TRIM44: variants seen among roughly 807,000 people sequenced by gnomAD.
The protein encoded by TRIM44 is tripartite motif containing 44, also known as tripartite motif-containing protein 44.
A neutral mutation model predicts 37.4 loss-of-function variants in TRIM44; 13 were observed. That is an observed-to-expected ratio of 0.35 (90% CI 0.23 to 0.55). The LOEUF (loss-of-function observed/expected upper bound fraction) is 0.55. Among genes scored for constraint, TRIM44 ranks in the 20% least tolerant of loss-of-function variants. The pLI, the probability that TRIM44 is intolerant of heterozygous loss-of-function variation, is 0.89. For synonymous variants in TRIM44, 175 were observed against 157.2 expected (o/e 1.11, Z -0.85); for missense variants, 426 against 437.2 (o/e 0.97, Z 0.23).
At chr11:35,767,038 C>A (rs898757010) in intron 4 of TRIM44, among the ~76,000 whole-genome samples, 1 of 152,120 alleles carries the variant, frequency 6.6e-6, no homozygotes, top group Non-Finnish European at 1.5e-5. Context: ...AGGCAAGATT[C>A]GTAAACAACA....
intron 4 of TRIM44, among the ~76,000 whole-genome samples, chr11:35,800,085 G>A (rs150757340): frequency 8.7e-4 from 133 of 152,122 alleles, no homozygotes; most frequent in African/African-American, 3.0e-3. Context: ...GAATGAAGCC[G>A]CGGACCTTCG....
At chr11:35,745,437 T>G (rs1852475514) in intron 4 of TRIM44, among the ~76,000 whole-genome samples, 1 of 152,190 alleles carries the variant, frequency 6.6e-6, no homozygotes, top group Admixed American at 6.5e-5. Context: ...ATGGATAGAT[T>G]GGAAAAATTT....
At chr11:35,693,355 G>A (rs560834032) in intron 2 of TRIM44, among the ~76,000 whole-genome samples, 5 of 152,022 alleles carry the variant, frequency 3.3e-5, no homozygotes, top group Non-Finnish European at 7.4e-5. Flanking sequence ...AGTCACTGAT[G>A]TCAGTATTAC....
At chr11:35,713,428 A>T (rs896306646) in intron 2 of TRIM44, among the ~76,000 whole-genome samples, 1 of 151,678 alleles carries the variant, frequency 6.6e-6, no homozygotes, top group South Asian at 2.1e-4. Context: ...CCTATAGAAG[A>T]TGTATTGAGA....
chr11:35,672,731 A>G (rs1338067179), intron 1 of TRIM44, among the ~76,000 whole-genome samples: 2 of 152,170 alleles, frequency 1.3e-5, no homozygotes, highest in Non-Finnish European at 2.9e-5. Flanking sequence ...CTGGCTTTTC[A>G]TTCAGCCCAT....
intron 4 of TRIM44, among the ~76,000 whole-genome samples, chr11:35,756,161 T>C (rs1457302922): frequency 1.3e-5 from 2 of 152,226 alleles, no homozygotes; most frequent in Non-Finnish European, 2.9e-5. Flanking sequence ...TCCATTTGTT[T>C]GTATCCTCTT....
chr11:35,737,667 C>A (rs1282881355), intron 4 of TRIM44, among the ~76,000 whole-genome samples: 4 of 152,104 alleles, frequency 2.6e-5, no homozygotes, highest in Non-Finnish European at 5.9e-5. Context: ...GAAACCCTCT[C>A]TCTACCAAAA....
At position 35,663,490 on chromosome 11, in the gene TRIM44, G is replaced by C; in HGVS notation, c.379G>C (p.Glu127Gln). The C allele has an allele frequency of 6.3e-7, 1 of 1,574,902 alleles. No individual in the cohort carries two copies. The highest frequency in any genetic ancestry group is 8.6e-7 in the Non-Finnish European group (1 of 1,159,554). ...SEDESDEESE[E>Q]DSEEEMEDEQ... is the part of the protein sequence containing the mutation. ...GGATGAGAGCGATGAGGAGAGTGAA[G>C]AAGACAGCGAGGAAGAAATGGAGGA... The change falls in exon 1 of 5, where the codon GAA becomes CAA. Residue 127 changes from glutamate to glutamine, a missense_variant. Glu to Gln is a conservative substitution (Grantham distance 29). Transcript: ENST00000299413.
At chr11:35,675,109 G>C (rs1265452427) in intron 1 of TRIM44, among the ~76,000 whole-genome samples, 1 of 152,138 alleles carries the variant, frequency 6.6e-6, no homozygotes, top group Non-Finnish European at 1.5e-5. Flanking sequence ...TTTAAGGCTA[G>C]AACTATATGT....
chr11:35,729,457 G>A (rs1483535986), intron 3 of TRIM44, among the ~76,000 whole-genome samples: 3 of 152,112 alleles, frequency 2.0e-5, no homozygotes, highest in Non-Finnish European at 4.4e-5. Flanking sequence ...ATAGTACGGA[G>A]GAAGTAGTAC....
chr11:35,766,166 CTGGCATCACTT>C (rs1852796809), intron 4 of TRIM44, among the ~76,000 whole-genome samples: 1 of 152,200 alleles, frequency 6.6e-6, no homozygotes. Flanking sequence ...TCAGCTTGCA[CTGGCATCACTT>C]TGGCCCATGC....
chr11:35,754,556 C>G (rs187373169), intron 4 of TRIM44, among the ~76,000 whole-genome samples: 11 of 152,164 alleles, frequency 7.2e-5, no homozygotes, highest in African/African-American at 2.4e-4. Flanking sequence ...GCACAACATG[C>G]AGATTAGTTA....
intron 3 of TRIM44, among the ~76,000 whole-genome samples, chr11:35,728,449 G>A (rs1000456043): frequency 2.0e-5 from 3 of 152,182 alleles, no homozygotes; most frequent in Admixed American, 6.5e-5. Flanking sequence ...TAACTCTGAT[G>A]GAATTACTCT....
At chr11:35,747,271 A>G (rs1852503954) in intron 4 of TRIM44, among the ~76,000 whole-genome samples, 1 of 152,216 alleles carries the variant, frequency 6.6e-6, no homozygotes, top group Admixed American at 6.5e-5. Flanking sequence ...AACATTAACT[A>G]GGAGCTAGAT....
At chr11:35,796,700 T>TG (rs1477849906) in intron 4 of TRIM44, among the ~76,000 whole-genome samples, 2 of 151,830 alleles carry the variant, frequency 1.3e-5, no homozygotes, top group Non-Finnish European at 2.9e-5. Context: ...CCAGCAGCAC[T>TG]GGGGGGAGGA....
chr11:35,775,675 A>G (rs1852946926), intron 4 of TRIM44, among the ~76,000 whole-genome samples: 1 of 152,224 alleles, frequency 6.6e-6, no homozygotes, highest in Non-Finnish European at 1.5e-5. Flanking sequence ...AGTTTTTAGC[A>G]TAAAGTGCTG....
intron 2 of TRIM44, among the ~76,000 whole-genome samples, chr11:35,693,800 T>C (rs1851664479): frequency 6.6e-6 from 1 of 152,192 alleles, no homozygotes; most frequent in South Asian, 2.1e-4. Context: ...ATAATATTTC[T>C]TTCAGCTCTT....
chr11:35,718,251 G>C (rs1852061594), intron 2 of TRIM44, among the ~76,000 whole-genome samples: 1 of 152,066 alleles, frequency 6.6e-6, no homozygotes, highest in African/African-American at 2.4e-5. Context: ...TAAGGTTTAA[G>C]CAGAATTATC....
chr11:35,796,396 C>T (rs1853290528), intron 4 of TRIM44, among the ~76,000 whole-genome samples: 1 of 152,194 alleles, frequency 6.6e-6, no homozygotes, highest in Non-Finnish European at 1.5e-5. Context: ...TGAGATACAG[C>T]AGCTGAGGCA....
Sources: allele counts gnomAD v4.1 joint callset (sites outside exome capture counted in the v4.1 genomes callset), GRCh38; gene constraint gnomAD v4.1.1; transcripts MANE v1.5; gene names NCBI Gene and HGNC (gene_info 2026-07-23, HGNC 2026-07-21).